The following AGBL4 variants were observed in gnomAD, a reference collection of about 807,000 sequenced individuals.
AGBL4 encodes AGBL carboxypeptidase 4, also known as cytosolic carboxypeptidase 6.
In AGBL4, 58 loss-of-function variants were observed where a neutral mutation model predicts 66.4. That is an observed-to-expected ratio of 0.87 (90% confidence interval 0.71 to 1.09). The LOEUF (loss-of-function observed/expected upper bound fraction) is 1.09, where lower values mean the gene tolerates loss of function less well. Among genes scored for constraint, AGBL4 ranks in the 50% least tolerant of loss-of-function variants. The pLI is 0.00. For synonymous variants in AGBL4, 234 were observed against 222.9 expected (o/e 1.05, Z -0.44); for missense variants, 579 against 631.0 (o/e 0.92, Z 0.88).
At chr1:48,794,040 T>G (rs1645612566) in intron 6 of AGBL4, among the ~76,000 whole-genome samples, 1 of 152,186 alleles carries the variant, frequency 6.6e-6, no homozygotes, top group Non-Finnish European at 1.5e-5. Flanking sequence ...GGAAGCACCT[T>G]GGCTGGGATC....
At chr1:49,950,336 T>C (rs981684294) in intron 1 of AGBL4, among the ~76,000 whole-genome samples, 1 of 151,226 alleles carries the variant, frequency 6.6e-6, no homozygotes, top group African/African-American at 2.4e-5. Flanking sequence ...TCACTCATAA[T>C]TGGGAGCTAA....
chr1:49,424,355 G>C (rs570837218), intron 3 of AGBL4, among the ~76,000 whole-genome samples: 12 of 152,322 alleles, frequency 7.9e-5, no homozygotes, highest in Non-Finnish European at 1.0e-4. Flanking sequence ...CTAGAAGGTA[G>C]CCATTATTGA....
chr1:49,581,679 C>G (rs1052874179), intron 3 of AGBL4, among the ~76,000 whole-genome samples: 1 of 152,114 alleles, frequency 6.6e-6, no homozygotes, highest in Non-Finnish European at 1.5e-5. Context: ...TGCAGTTGTG[C>G]TGGATATTTG....
intron 3 of AGBL4, among the ~76,000 whole-genome samples, chr1:49,445,260 G>C (rs994302055): frequency 6.6e-6 from 1 of 151,550 alleles, no homozygotes; most frequent in African/African-American, 2.4e-5. Flanking sequence ...CTTTTCTCTT[G>C]CTTGTTTTTA....
At position 49,415,600 on chromosome 1, in the gene AGBL4, G is replaced by T. The variant is rs1163959190; in HGVS notation, c.283-169736C>A. On this transcript the variant is annotated intron_variant, in intron 3 of 13. Transcript: ENST00000371839. ...TAAAACTAGAAAGGTAGGTTCTAAAGAACCTTGAGAGTCAGGCTAAAGAAT... is the reference window on the plus strand; with the variant it reads ...TAAAACTAGAAAGGTAGGTTCTAAATAACCTTGAGAGTCAGGCTAAAGAAT... 2.0e-5 allele frequency among the ~76,000 whole-genome samples: 3 copies of T among 152,066 alleles called. No individual in the cohort carries two copies. The East Asian group carries it at 5.8e-4, about 29-fold the overall frequency.
At chr1:48,621,541 C>A (rs1645413842) in intron 9 of AGBL4, among the ~76,000 whole-genome samples, 1 of 152,074 alleles carries the variant, frequency 6.6e-6, no homozygotes, top group Non-Finnish European at 1.5e-5. Flanking sequence ...AAAAAGCACC[C>A]TAGGACCCAG....
chr1:49,168,988 G>A (rs767294399), intron 4 of AGBL4, among the ~76,000 whole-genome samples: 4 of 152,190 alleles, frequency 2.6e-5, no homozygotes, highest in Non-Finnish European at 4.4e-5. Context: ...GAAAGACTGA[G>A]AAACAAAGCT....
At chr1:50,008,739 A>T (rs2148432206) in intron 1 of AGBL4, among the ~76,000 whole-genome samples, 1 of 152,148 alleles carries the variant, frequency 6.6e-6, no homozygotes, top group East Asian at 1.9e-4. Context: ...GAAAAGACAA[A>T]CAAAACTGAC....
intron 3 of AGBL4, among the ~76,000 whole-genome samples, chr1:49,670,777 G>A (rs1646460417): frequency 6.6e-6 from 1 of 152,046 alleles, no homozygotes; most frequent in Non-Finnish European, 1.5e-5. Context: ...GTGACTTACA[G>A]GAAGCCAGAC....
At chr1:48,622,242 A>C (rs1645425658) in intron 9 of AGBL4, among the ~76,000 whole-genome samples, 1 of 152,064 alleles carries the variant, frequency 6.6e-6, no homozygotes, top group African/African-American at 2.4e-5. Flanking sequence ...TCTTTGTCTA[A>C]AAAAATCCTA....
At chr1:48,782,181 G>A (rs1174432679) in intron 6 of AGBL4, among the ~76,000 whole-genome samples, 1 of 152,218 alleles carries the variant, frequency 6.6e-6, no homozygotes, top group Admixed American at 6.5e-5. Flanking sequence ...GACGCTGACT[G>A]TCCTGTCTCA....
chr1:49,796,226 G>GT (rs1644726277), intron 2 of AGBL4, among the ~76,000 whole-genome samples: 1 of 151,822 alleles, frequency 6.6e-6, no homozygotes, highest in Admixed American at 6.6e-5. Flanking sequence ...TTCCTACAGT[G>GT]TTTGTAGAAA....
chr1:48,544,690 G>C (rs565801966), intron 11 of AGBL4, among the ~76,000 whole-genome samples: 1 of 152,216 alleles, frequency 6.6e-6, no homozygotes, highest in African/African-American at 2.4e-5. Context: ...GGAATCCCGA[G>C]CCTCCATGTG....
intron 3 of AGBL4, among the ~76,000 whole-genome samples, chr1:49,643,838 C>A (rs917326709): frequency 6.6e-6 from 1 of 151,444 alleles, no homozygotes; most frequent in African/African-American, 2.4e-5. Context: ...AGAAGTTATT[C>A]AGGAAGAAAG....
At chr1:48,904,748 T>G (rs1031071456) in intron 5 of AGBL4, among the ~76,000 whole-genome samples, 5 of 152,202 alleles carry the variant, frequency 3.3e-5, no homozygotes, top group Non-Finnish European at 7.3e-5. Context: ...TGAACAATAT[T>G]AGCAATAATT....
At chr1:49,450,510 C>T (rs1264594737) in intron 3 of AGBL4, among the ~76,000 whole-genome samples, 1 of 152,072 alleles carries the variant, frequency 6.6e-6, no homozygotes, top group Non-Finnish European at 1.5e-5. Context: ...TCAAAATTCT[C>T]TTAGGTATTT....
At chr1:49,672,571 C>A (rs1177577142) in intron 3 of AGBL4, among the ~76,000 whole-genome samples, 2 of 103,998 alleles carry the variant, frequency 1.9e-5, no homozygotes, top group African/African-American at 7.7e-5. Context: ...GAGTGGAAAT[C>A]AATAATATAC....
intron 3 of AGBL4, among the ~76,000 whole-genome samples, chr1:49,524,807 C>T (rs1318449590): frequency 1.3e-5 from 2 of 151,908 alleles, no homozygotes; most frequent in Non-Finnish European, 2.9e-5. Context: ...TATGATACTA[C>T]CTTATAACCA....
intron 4 of AGBL4, among the ~76,000 whole-genome samples, chr1:49,069,356 T>A (rs531671859): frequency 6.6e-6 from 1 of 152,346 alleles, no homozygotes; most frequent in African/African-American, 2.4e-5. Flanking sequence ...AGGGTTTTTA[T>A]GGTTTTAGGT....
Sources: gnomAD v4.1 joint callset for allele counts (sites outside exome capture counted in the v4.1 genomes callset) on GRCh38, gnomAD v4.1.1 for gene constraint, MANE v1.5 for transcripts, NCBI Gene and HGNC (gene_info 2026-07-23, HGNC 2026-07-21) for gene names.